The following NYAP2 variants were observed in gnomAD, a reference collection of about 807,000 sequenced individuals.
NYAP2 encodes the protein neuronal tyrosine-phosphorylated phosphoinositide-3-kinase adapter 2.
A neutral mutation model predicts 50.4 loss-of-function variants in NYAP2; 23 were observed. The ratio of observed to expected loss-of-function variants is 0.46; its 90% CI spans 0.33 to 0.65. The LOEUF (loss-of-function observed/expected upper bound fraction) is 0.65. Ranked by LOEUF, NYAP2 falls within the 30% of genes least tolerant of loss-of-function variation. The pLI is 0.02. For missense variants in NYAP2, 885 were observed against 861.0 expected, an observed-to-expected ratio of 1.03 and a Z score of -0.35; for synonymous variants, 394 against 365.2, an observed-to-expected ratio of 1.08 and a Z score of -0.90.
intron 4 of NYAP2, among the ~76,000 whole-genome samples, chr2:225,565,755 A>G (rs923111347): frequency 1.3e-5 from 2 of 152,212 alleles, no homozygotes; most frequent in African/African-American, 4.8e-5. Flanking sequence ...ATGAATAAGC[A>G]TCATTATATC....
At chr2:225,694,539 GT>G in the NYAP2 span, among the ~76,000 whole-genome samples, 1 of 151,826 alleles carries the variant, frequency 6.6e-6, no homozygotes, top group African/African-American at 2.4e-5. Context: ...CAACATTGGA[GT>G]TCGATTTTGA....
chr2:225,569,836 G>A (rs1169967973), intron 4 of NYAP2, among the ~76,000 whole-genome samples: 1 of 152,054 alleles, frequency 6.6e-6, no homozygotes, highest in African/African-American at 2.4e-5. Context: ...CATCTATTAG[G>A]TTATGGAACC....
At chr2:225,460,196 T>A (rs918037348) in intron 3 of NYAP2, among the ~76,000 whole-genome samples, 9 of 152,194 alleles carry the variant, frequency 5.9e-5, no homozygotes, top group Non-Finnish European at 1.2e-4. Flanking sequence ...TCTTGAAAGA[T>A]TTCAAGAGGC....
At chr2:225,492,075 G>A (rs900319876) in intron 3 of NYAP2, among the ~76,000 whole-genome samples, 1 of 152,126 alleles carries the variant, frequency 6.6e-6, no homozygotes, top group African/African-American at 2.4e-5. Flanking sequence ...AGTGCTTAAG[G>A]CCAGGAGAAG....
chr2:225,595,368 A>G (rs895697245), intron 5 of NYAP2, among the ~76,000 whole-genome samples: 2 of 152,214 alleles, frequency 1.3e-5, no homozygotes, highest in African/African-American at 4.8e-5. Context: ...TAGAAGGATG[A>G]AAAAGGATTT....
At chr2:225,674,398 A>G in the NYAP2 span, among the ~76,000 whole-genome samples, 1 of 152,128 alleles carries the variant, frequency 6.6e-6, no homozygotes, top group Non-Finnish European at 1.5e-5. Context: ...CCCTTTATCT[A>G]GAAGCTTTGC....
chr2:225,608,650 A>G (rs116223025), intron 5 of NYAP2, among the ~76,000 whole-genome samples: 214 of 152,032 alleles, frequency 1.4e-3, no homozygotes, highest in African/African-American at 4.7e-3. Flanking sequence ...TTGCTGTGCT[A>G]TTTTGTCAGG....
intron 4 of NYAP2, among the ~76,000 whole-genome samples, chr2:225,516,901 A>G (rs745601076): frequency 6.6e-6 from 1 of 152,206 alleles, no homozygotes; most frequent in East Asian, 1.9e-4. Flanking sequence ...TTTACATTAA[A>G]TGCCAGAAAA....
intron 2 of NYAP2, among the ~76,000 whole-genome samples, chr2:225,405,522 T>G (rs776673583): frequency 6.6e-6 from 1 of 152,030 alleles, no homozygotes; most frequent in Non-Finnish European, 1.5e-5. Context: ...ATCTTAGGTG[T>G]AAATATAAAT....
rs199713295 is a variant in NYAP2, at chr2:225,582,458, C to T, written c.1041C>T (p.Ser347=). The change falls in exon 5 of 7, where the codon TCC becomes TCT. Residue 347 remains serine (S), a synonymous_variant. Transcript: ENST00000636099. The surrounding 1 kb of genome is among the most constrained non-coding windows in gnomAD (Gnocchi z 7.0). ...TTCCCCCCGCCCCCGTGCATTGCTCCCCCAACTCCGACGAGTCCCCGCTTA... is the reference window on the plus strand; with the variant it reads ...TTCCCCCCGCCCCCGTGCATTGCTCTCCCAACTCCGACGAGTCCCCGCTTA... The T allele has an allele frequency of 5.8e-6, 8 of 1,388,538 alleles. No individual in the cohort carries two copies. In the African/African-American group the frequency reaches 1.1e-4, roughly 18 times the overall value. The allele number at this position is 1,388,538 out of a possible 1,614,324, so 86.0% of individuals were successfully genotyped here.
At chr2:225,548,519 G>T (rs1030812423) in intron 4 of NYAP2, among the ~76,000 whole-genome samples, 1 of 151,936 alleles carries the variant, frequency 6.6e-6, no homozygotes, top group Non-Finnish European at 1.5e-5. Flanking sequence ...GAGAGTTGGA[G>T]GTTTACTGGG....
At chr2:225,464,773 G>C (rs747904915) in intron 3 of NYAP2, among the ~76,000 whole-genome samples, 1 of 152,210 alleles carries the variant, frequency 6.6e-6, no homozygotes. Context: ...GAGTAAGAAC[G>C]TGAGCAATAG....
intron 5 of NYAP2, among the ~76,000 whole-genome samples, chr2:225,620,485 A>G (rs1367214914): frequency 6.6e-6 from 1 of 151,068 alleles, no homozygotes; most frequent in Non-Finnish European, 1.5e-5. Context: ...ACACGCACGC[A>G]CGCACACACA....
chr2:225,576,751 T>C (rs909743986), intron 4 of NYAP2, among the ~76,000 whole-genome samples: 7 of 152,260 alleles, frequency 4.6e-5, no homozygotes, highest in Non-Finnish European at 5.9e-5. Flanking sequence ...CATAGCTTTT[T>C]CCTTTATGGG....
downstream of NYAP2, among the ~76,000 whole-genome samples, chr2:225,657,375 G>A (rs1693845614): frequency 2.0e-5 from 3 of 151,822 alleles, no homozygotes; most frequent in South Asian, 6.2e-4. Context: ...CTCCCAAAGT[G>A]CTGGGATTAT....
chr2:225,627,199 A>G, intron 6 of NYAP2, 73 bp downstream of exon 6: 1 of 1,121,022 alleles, frequency 8.9e-7, no homozygotes. Context: ...AATATCACTT[A>G]CAGAATTATC....
intron 6 of NYAP2, among the ~76,000 whole-genome samples, chr2:225,629,054 C>T (rs1437668983): frequency 6.6e-6 from 1 of 152,104 alleles, no homozygotes. Flanking sequence ...CATAATCATG[C>T]AGGCAGAAAA....
At chr2:225,665,425 A>C in the NYAP2 span, among the ~76,000 whole-genome samples, 1 of 152,114 alleles carries the variant, frequency 6.6e-6, no homozygotes, top group Admixed American at 6.5e-5. Flanking sequence ...AACCGAAAGA[A>C]GGTCTCTCCC....
At chr2:225,642,435 G>C (rs527555510) in intron 6 of NYAP2, among the ~76,000 whole-genome samples, 1 of 152,200 alleles carries the variant, frequency 6.6e-6, no homozygotes, top group East Asian at 1.9e-4. Context: ...CTGTGAACTA[G>C]GTACCATTAT....
Sources: allele counts gnomAD v4.1 joint callset (sites outside exome capture counted in the v4.1 genomes callset), GRCh38; gene constraint gnomAD v4.1.1; non-coding constraint Gnocchi (gnomAD v3.1); transcripts MANE v1.5; gene names NCBI Gene and HGNC (gene_info 2026-07-23, HGNC 2026-07-21).